Variants in ANK1 observed in about 807,000 individuals in gnomAD.
ANK1 encodes ankyrin-1.
In ANK1, 51 loss-of-function variants were observed where a neutral mutation model predicts 210.4. The observed-to-expected ratio is 0.24, with a 90% CI of 0.19 to 0.31. The LOEUF (loss-of-function observed/expected upper bound fraction) is 0.31, where lower values mean the gene tolerates loss of function less well. Ranked by LOEUF, ANK1 falls within the 10% of genes least tolerant of loss-of-function variation. The pLI is 1.00. For synonymous variants in ANK1, 967 were observed against 1,025.9 expected, an observed-to-expected ratio of 0.94 and a Z score of 1.10; for missense variants, 2,051 against 2,504.4, an observed-to-expected ratio of 0.82 and a Z score of 3.86.
At chr8:41,663,143 T>C (rs1415210008) in intron 40 of ANK1, among the ~76,000 whole-genome samples, 1 of 151,802 alleles carries the variant, frequency 6.6e-6, no homozygotes, top group Non-Finnish European at 1.5e-5. Context: ...TGTGTGTGTA[T>C]TTATTTATTT....
chr8:41,865,065 G>A (rs1814109936), intron 1 of ANK1, among the ~76,000 whole-genome samples: 1 of 152,174 alleles, frequency 6.6e-6, no homozygotes, highest in Non-Finnish European at 1.5e-5. Flanking sequence ...AGGTGGTAGG[G>A]TCTGCGAGCA....
chr8:41,884,169 G>A (rs1181279605), intron 1 of ANK1, among the ~76,000 whole-genome samples: 1 of 152,126 alleles, frequency 6.6e-6, no homozygotes, highest in African/African-American at 2.4e-5. Flanking sequence ...GGGTAATATG[G>A]TGAAACCCTG....
chr8:41,708,929 T>A lies in ANK1; in HGVS notation c.1847A>T (p.Glu616Val), dbSNP rs372122833. ...ATACTGCAGCAGACTACGGGCCACCTCCACCTGGTTCTGCTTGGCAGCGAT... is the reference window on the plus strand; with the variant it reads ...ATACTGCAGCAGACTACGGGCCACCACCACCTGGTTCTGCTTGGCAGCGAT... ...LHIAAKQNQV[E>V]VARSLLQYGG... The change falls in exon 17 of 43, where the codon GAG becomes GTG. Residue 616 changes from glutamate (E) to valine (V), a missense_variant. This residue lies in a region of ANK1 where 1,413 missense variants were observed against 1,707.4 expected (regional missense o/e 0.83). Coordinates refer to ENST00000289734, the MANE Select transcript of ANK1 (RefSeq NM_000037.4). 130 of 1,613,956 alleles carry A rather than the reference T, an allele frequency of 8.1e-5. No individual in the cohort carries two copies. Among genetic ancestry groups the A allele is most frequent in the Non-Finnish European group, 1.1e-4 (128 of 1,180,026 alleles).
intron 1 of ANK1, among the ~76,000 whole-genome samples, chr8:41,859,218 C>T (rs985343701): frequency 6.6e-6 from 1 of 152,218 alleles, no homozygotes; most frequent in Non-Finnish European, 1.5e-5. Context: ...GCCCCCTGGG[C>T]GGCAGGTGGG....
intron 1 of ANK1, among the ~76,000 whole-genome samples, chr8:41,844,991 G>C (rs551521685): frequency 6.6e-6 from 1 of 152,138 alleles, no homozygotes; most frequent in Non-Finnish European, 1.5e-5. Flanking sequence ...ATTGCAACGC[G>C]GAAAAGCTGC....
intron 40 of ANK1, among the ~76,000 whole-genome samples, chr8:41,663,222 C>T (rs1488626713): frequency 6.6e-6 from 1 of 151,914 alleles, no homozygotes; most frequent in East Asian, 1.9e-4. Flanking sequence ...TGGGCTCAAG[C>T]GATCCTCCTG....
At chr8:41,786,054 G>A (rs906265100) in intron 1 of ANK1, among the ~76,000 whole-genome samples, 1 of 152,230 alleles carries the variant, frequency 6.6e-6, no homozygotes, top group Non-Finnish European at 1.5e-5. Flanking sequence ...CTCCGATGCA[G>A]TTTTCTCTCC....
rs780841364 is a variant in ANK1 at position 41,696,468 on chromosome 8, C to T, written c.2855G>A (p.Arg952His). 35 of 1,613,256 alleles carry T rather than the reference C, an allele frequency of 2.2e-5. No homozygotes were observed. In the South Asian group the frequency reaches 2.2e-4, roughly 10 times the overall value. Reference sequence around the variant, plus strand: ...GCTGAGCTTCTGGGGCTTGACCAGGCGGCAGGTGATGCGGGTGGGCGCTGC... The same window carrying T: ...GCTGAGCTTCTGGGGCTTGACCAGGTGGCAGGTGATGCGGGTGGGCGCTGC... ...TCAAPTRITCRLVKPQKLSTP... is the reference protein window; with the variant it reads ...TCAAPTRITCHLVKPQKLSTP... The change falls in exon 26 of 43, where the codon CGC becomes CAC. Residue 952 changes from arginine (R) to histidine (H), a missense_variant. Physicochemically the swap from Arg to His is conservative, Grantham distance 29. Around this residue, in one of 6 missense-constraint regions of ANK1, gnomAD observed 1,413 missense variants for 1,707.4 expected, o/e 0.83. Coordinates refer to ENST00000289734, the MANE Select transcript of ANK1 (RefSeq NM_000037.4).
intron 35 of ANK1, among the ~76,000 whole-genome samples, chr8:41,686,903 C>G (rs1817824540): frequency 6.6e-6 from 1 of 152,128 alleles, no homozygotes; most frequent in African/African-American, 2.4e-5. Flanking sequence ...AGTCTAATTT[C>G]AAGGATGAAG....
intron 1 of ANK1, among the ~76,000 whole-genome samples, chr8:41,888,784 A>G (rs539351780): frequency 2.6e-5 from 4 of 152,316 alleles, no homozygotes; most frequent in African/African-American, 9.6e-5. Context: ...CTCCGTTTTC[A>G]CCTGCTCTTT....
At chr8:41,842,907 C>T (rs1809255884) in intron 1 of ANK1, among the ~76,000 whole-genome samples, 2 of 152,128 alleles carry the variant, frequency 1.3e-5, no homozygotes, top group Non-Finnish European at 1.5e-5. Context: ...AGTACAGTGG[C>T]ATGATCTCCG....
chr8:41,733,224 G>A (rs1001039327), intron 3 of ANK1, among the ~76,000 whole-genome samples: 3 of 152,184 alleles, frequency 2.0e-5, no homozygotes, highest in African/African-American at 7.2e-5. Flanking sequence ...TGGATGCCTG[G>A]CGTCGCCCCA....
intron 37 of ANK1, among the ~76,000 whole-genome samples, chr8:41,679,801 T>G (rs1323441128): frequency 5.3e-5 from 8 of 151,876 alleles, no homozygotes; most frequent in African/African-American, 1.9e-4. Flanking sequence ...CCTGACCTCG[T>G]GATCCGCCCA....
intron 1 of ANK1, among the ~76,000 whole-genome samples, chr8:41,782,623 G>T (rs1845572312): frequency 6.6e-6 from 1 of 152,178 alleles, no homozygotes; most frequent in Non-Finnish European, 1.5e-5. Context: ...CGCCTGTTGA[G>T]AACTGTCTCA....
chr8:41,657,263 G>A (rs1004946530), intron 42 of ANK1, among the ~76,000 whole-genome samples: 8 of 152,136 alleles, frequency 5.3e-5, no homozygotes, highest in African/African-American at 1.9e-4. Context: ...ATGAACTCTG[G>A]AGCCAGACCA....
At chr8:41,758,753 T>C (rs563497590) in intron 1 of ANK1, among the ~76,000 whole-genome samples, 1 of 152,308 alleles carries the variant, frequency 6.6e-6, no homozygotes, top group African/African-American at 2.4e-5. Flanking sequence ...GGTGTCTCCC[T>C]GCTCTGAGGT....
At chr8:41,805,654 A>G (rs1850862870) in intron 1 of ANK1, among the ~76,000 whole-genome samples, 3 of 152,266 alleles carry the variant, frequency 2.0e-5, no homozygotes, top group Admixed American at 2.0e-4. Flanking sequence ...ATTTGAACAT[A>G]GCATAATAAA....
Position 41,690,380 on chromosome 8 carries a change from C to T in ANK1, c.3985-34G>A, listed in dbSNP as rs201285086. ...AATCACACAAAGGAGAATTCAGGGG[C>T]CCTTTTCTAGGCCACCCGGCTGTCT... is the stretch of plus-strand genomic sequence containing the variant. On this transcript the variant is annotated intron_variant, in intron 32 of 42. Coordinates refer to ENST00000289734, the MANE Select transcript of ANK1 (RefSeq NM_000037.4). 5.6e-6 allele frequency: 9 copies of T among 1,614,090 alleles called. No homozygotes were observed. In the South Asian group the frequency reaches 6.6e-5, roughly 12 times the overall value.
upstream of ANK1, among the ~76,000 whole-genome samples, chr8:41,802,567 A>G (rs1850051443): frequency 6.6e-6 from 1 of 152,116 alleles, no homozygotes; most frequent in African/African-American, 2.4e-5. Flanking sequence ...GCAACTAATA[A>G]TACATTTTAT....
Sources: gnomAD v4.1 joint callset for allele counts (sites outside exome capture counted in the v4.1 genomes callset) on GRCh38, gnomAD v4.1.1 for gene constraint, gnomAD v4.1.1 regional missense constraint, MANE v1.5 for transcripts, NCBI Gene and HGNC (gene_info 2026-07-23, HGNC 2026-07-21) for gene names.